Variants in EPHA6 observed in about 807,000 individuals in gnomAD.
The protein encoded by EPHA6 is EPH receptor A6.
A neutral mutation model predicts 112.0 loss-of-function variants in EPHA6; 50 were observed. That is an observed-to-expected ratio of 0.45 (90% confidence interval 0.36 to 0.56). The LOEUF (loss-of-function observed/expected upper bound fraction) is 0.56, where lower values mean the gene tolerates loss of function less well. Ranked by LOEUF, EPHA6 falls within the 20% of genes least tolerant of loss-of-function variation. The probability of loss-of-function intolerance (pLI) is 0.00; values close to 1 mark genes in which losing one functional copy is unlikely to be tolerated. For missense variants in EPHA6, 1,280 were observed against 1,417.4 expected (o/e 0.90, Z 1.56); for synonymous variants, 529 against 490.7 (o/e 1.08, Z -1.03).
Position 97,420,206 on chromosome 3 carries a change from A to C in EPHA6, c.1731+14932A>C, listed in dbSNP as rs145246194. ...AACATCCATAAATCTCTCATATATCATACTTCAAGTTATAATAATGTCACT... is the reference window on the plus strand; with the variant it reads ...AACATCCATAAATCTCTCATATATCCTACTTCAAGTTATAATAATGTCACT... On this transcript the variant is annotated intron_variant, in intron 6 of 17. Transcript: ENST00000389672. 2.6e-5 allele frequency among the ~76,000 whole-genome samples: 4 copies of C among 152,118 alleles called. No homozygotes were observed. In the East Asian group the frequency reaches 7.7e-4, roughly 29 times the overall value.
chr3:97,158,651 AT>A (rs1050333341), intron 3 of EPHA6, among the ~76,000 whole-genome samples: 1 of 152,136 alleles, frequency 6.6e-6, no homozygotes, highest in African/African-American at 2.4e-5. Flanking sequence ...AAAAATAGTC[AT>A]TTATGTCTTT....
intron 15 of EPHA6, among the ~76,000 whole-genome samples, chr3:97,723,404 C>T (rs1189212722): frequency 2.0e-5 from 3 of 152,154 alleles, no homozygotes; most frequent in Non-Finnish European, 4.4e-5. Context: ...GTGTCCAAGA[C>T]GACCATTTAG....
intron 2 of EPHA6, among the ~76,000 whole-genome samples, chr3:96,980,636 C>T (rs2042728068): frequency 6.6e-6 from 1 of 151,632 alleles, no homozygotes; most frequent in Non-Finnish European, 1.5e-5. Flanking sequence ...TATAAATTAC[C>T]TTGGGCAGTA....
intron 14 of EPHA6, among the ~76,000 whole-genome samples, chr3:97,713,422 T>G (rs2034068556): frequency 6.6e-6 from 1 of 152,120 alleles, no homozygotes. Flanking sequence ...CATATAAGAT[T>G]TTTTAAAAAT....
At chr3:96,972,865 A>C (rs2042370711) in intron 2 of EPHA6, among the ~76,000 whole-genome samples, 1 of 152,210 alleles carries the variant, frequency 6.6e-6, no homozygotes, top group Non-Finnish European at 1.5e-5. Context: ...ATAAAAGTTT[A>C]TATTTCTTTG....
At position 97,213,292 on chromosome 3, in the gene EPHA6, A is replaced by G. The variant is rs150666683; in HGVS notation, c.1115-12972A>G. ...ATGTGAGAGGAGGACAGAGAGAAAA[A>G]GAAACATAATGGAGGTTGACCCAAC... On this transcript the variant is annotated intron_variant, in intron 3 of 17. Coordinates refer to ENST00000389672, the MANE Select transcript of EPHA6 (RefSeq NM_001080448.3). Among the ~76,000 whole-genome samples the G allele has an allele frequency of 4.7e-3, 708 of 152,256 alleles. 8 individuals are homozygous for G. Among genetic ancestry groups the G allele is most frequent in the African/African-American group, 0.016 (659 of 41,554 alleles).
rs79333133 is a variant in EPHA6 at position 97,592,691 on chromosome 3, G to A, written c.2466G>A (p.Pro822=). 707 of 1,610,218 alleles carry A rather than the reference G, an allele frequency of 4.4e-4. No homozygotes were observed. Among genetic ancestry groups the A allele is most frequent in the East Asian group, 4.0e-3 (181 of 44,770 alleles). Residue 822 remains proline (P), a synonymous_variant, in exon 12 of 18, where the codon CCG becomes CCA. Transcript: ENST00000389672. ...RAGFLNSIQA[P]HPVPGGGSLP... is the part of the protein sequence containing the mutation. ...GGTTTTTAAATAGCATCCAGGCCCC[G>A]CATCCAGTGCCAGGGGGAGGATCTT...
chr3:97,150,539 A>C (rs996787804), intron 3 of EPHA6, among the ~76,000 whole-genome samples: 2 of 151,842 alleles, frequency 1.3e-5, no homozygotes, highest in African/African-American at 4.8e-5. Context: ...TCCTCAGTCC[A>C]CTAAGTATGC....
At chr3:97,673,330 G>T (rs1334077040) in intron 14 of EPHA6, among the ~76,000 whole-genome samples, 1 of 152,174 alleles carries the variant, frequency 6.6e-6, no homozygotes, top group African/African-American at 2.4e-5. Context: ...GTGTTACTCG[G>T]GAATGGGATG....
chr3:96,858,124 A>C (rs1316733997), intron 1 of EPHA6, among the ~76,000 whole-genome samples: 2 of 152,150 alleles, frequency 1.3e-5, no homozygotes, highest in Admixed American at 1.3e-4. Flanking sequence ...CAAGTGGATT[A>C]ATTAACAAGA....
chr3:97,551,754 C>A (rs557642135), intron 11 of EPHA6, among the ~76,000 whole-genome samples: 1 of 152,182 alleles, frequency 6.6e-6, no homozygotes, highest in Admixed American at 6.5e-5. Context: ...CTTCCATTAG[C>A]TACAGTTTCT....
chr3:96,994,521 C>A (rs1286756999), intron 3 of EPHA6, among the ~76,000 whole-genome samples: 1 of 151,700 alleles, frequency 6.6e-6, no homozygotes, highest in Non-Finnish European at 1.5e-5. Context: ...AAACAACATG[C>A]AAAATTGAAT....
At chr3:97,339,287 C>T (rs1017948778) in intron 5 of EPHA6, among the ~76,000 whole-genome samples, 3 of 152,188 alleles carry the variant, frequency 2.0e-5, no homozygotes, top group East Asian at 1.9e-4. Flanking sequence ...AGTTCCAGCA[C>T]ACTTCATGTC....
chr3:97,620,511 CTA>C (rs1179885877), intron 13 of EPHA6, among the ~76,000 whole-genome samples: 2 of 152,022 alleles, frequency 1.3e-5, no homozygotes, highest in Non-Finnish European at 2.9e-5. Flanking sequence ...CTTCTGCAAA[CTA>C]TGCATCTGAC....
intron 5 of EPHA6, among the ~76,000 whole-genome samples, chr3:97,375,407 T>C (rs2085294443): frequency 6.6e-6 from 1 of 152,180 alleles, no homozygotes; most frequent in South Asian, 2.1e-4. Context: ...TACCACATTC[T>C]CTTCTTACCA....
chr3:97,090,242 T>G (rs190052099), intron 3 of EPHA6, among the ~76,000 whole-genome samples: 3 of 152,228 alleles, frequency 2.0e-5, no homozygotes, highest in Non-Finnish European at 4.4e-5. Context: ...TTTTTATCTT[T>G]TTTATTAGGT....
chr3:97,495,043 T>C (rs1479391553), intron 10 of EPHA6, among the ~76,000 whole-genome samples: 1 of 152,152 alleles, frequency 6.6e-6, no homozygotes, highest in Non-Finnish European at 1.5e-5. Context: ...GCACGTTTCC[T>C]GCTGTGCCTC....
intron 10 of EPHA6, among the ~76,000 whole-genome samples, chr3:97,529,057 A>G (rs1326747045): frequency 6.6e-6 from 1 of 152,148 alleles, no homozygotes; most frequent in Non-Finnish European, 1.5e-5. Flanking sequence ...TATCCAGTTC[A>G]TGCATTTGAA....
chr3:96,931,478 C>T (rs1330597624), intron 2 of EPHA6, among the ~76,000 whole-genome samples: 1 of 151,240 alleles, frequency 6.6e-6, no homozygotes, highest in Non-Finnish European at 1.5e-5. Context: ...AGAAAACTGG[C>T]TGGGGTGGCT....
Sources: allele counts gnomAD v4.1 joint callset (sites outside exome capture counted in the v4.1 genomes callset), GRCh38; gene constraint gnomAD v4.1.1; transcripts MANE v1.5; gene names NCBI Gene and HGNC (gene_info 2026-07-23, HGNC 2026-07-21).